Variants in TMEM117 observed in about 807,000 individuals in gnomAD.
TMEM117 encodes transmembrane protein 117.
A neutral mutation model predicts 52.4 loss-of-function variants in TMEM117; 27 were observed. That is an observed-to-expected ratio of 0.51 (90% CI 0.38 to 0.71). The LOEUF (loss-of-function observed/expected upper bound fraction) is 0.71. Ranked by LOEUF, TMEM117 falls within the 30% of genes least tolerant of loss-of-function variation. The probability of loss-of-function intolerance (pLI) is 0.00; values close to 1 mark genes in which losing one functional copy is unlikely to be tolerated. For synonymous variants in TMEM117, 215 were observed against 206.3 expected (o/e 1.04, Z -0.36); for missense variants, 556 against 630.5 (o/e 0.88, Z 1.26).
At chr12:43,840,446 G>T (rs993125265) in intron 1 of TMEM117, among the ~76,000 whole-genome samples, 2 of 152,086 alleles carry the variant, frequency 1.3e-5, no homozygotes, top group African/African-American at 4.8e-5. Context: ...GTTGAGGGGG[G>T]GTGCATTAGT....
At chr12:44,158,344 C>T (rs1409975047) in intron 4 of TMEM117, among the ~76,000 whole-genome samples, 2 of 152,092 alleles carry the variant, frequency 1.3e-5, no homozygotes, top group Admixed American at 6.6e-5. Context: ...GATTTTAATT[C>T]GAAAGTTTTG....
chr12:44,084,189 G>C (rs928576492), intron 3 of TMEM117, among the ~76,000 whole-genome samples: 3 of 152,050 alleles, frequency 2.0e-5, no homozygotes, highest in African/African-American at 7.2e-5. Context: ...AAAGCCTTTA[G>C]ATTCTAACAT....
intron 3 of TMEM117, among the ~76,000 whole-genome samples, chr12:43,970,822 A>G (rs112961693): frequency 0.01 from 1,593 of 152,148 alleles, 35 homozygotes; most frequent in African/African-American, 0.036. Context: ...TAGTTAGGCT[A>G]CTTGTATGGA....
chr12:44,316,357 A>G (rs774840253), intron 6 of TMEM117, among the ~76,000 whole-genome samples: 2 of 152,102 alleles, frequency 1.3e-5, no homozygotes, highest in Non-Finnish European at 2.9e-5. Context: ...TTGATGGGAT[A>G]TGGAATTCTT....
At chr12:44,381,144 C>A (rs1397967152) in intron 7 of TMEM117, among the ~76,000 whole-genome samples, 1 of 152,048 alleles carries the variant, frequency 6.6e-6, no homozygotes, top group African/African-American at 2.4e-5. Context: ...AGCTGGGCTA[C>A]AGCTTATAAA....
intron 6 of TMEM117, among the ~76,000 whole-genome samples, chr12:44,314,328 C>G (rs558690989): frequency 6.6e-6 from 1 of 151,956 alleles, no homozygotes; most frequent in African/African-American, 2.4e-5. Flanking sequence ...TTATCAAAAG[C>G]CTTTTATACT....
At chr12:44,193,681 A>G (rs148109082) in intron 4 of TMEM117, among the ~76,000 whole-genome samples, 1 of 152,320 alleles carries the variant, frequency 6.6e-6, no homozygotes, top group East Asian at 1.9e-4. Flanking sequence ...GGAAAACATA[A>G]AGTATCCCCT....
At chr12:44,004,987 A>G (rs1442402003) in intron 3 of TMEM117, among the ~76,000 whole-genome samples, 2 of 152,208 alleles carry the variant, frequency 1.3e-5, no homozygotes, top group Non-Finnish European at 2.9e-5. Flanking sequence ...AAAGCCGGAC[A>G]AGTAGTAGAC....
intron 4 of TMEM117, among the ~76,000 whole-genome samples, chr12:44,173,141 T>A (rs976625230): frequency 6.6e-6 from 1 of 152,226 alleles, no homozygotes; most frequent in African/African-American, 2.4e-5. Flanking sequence ...AGTGGTGAAA[T>A]CTTGATTCAC....
intron 4 of TMEM117, among the ~76,000 whole-genome samples, chr12:44,168,436 T>A (rs1031590402): frequency 6.6e-6 from 1 of 152,192 alleles, no homozygotes; most frequent in African/African-American, 2.4e-5. Context: ...CATTTGTACA[T>A]TATTTTATGA....
intron 4 of TMEM117, among the ~76,000 whole-genome samples, chr12:44,210,340 A>G (rs1405820413): frequency 6.6e-6 from 1 of 152,164 alleles, no homozygotes; most frequent in Non-Finnish European, 1.5e-5. Context: ...TTTTTAAAAT[A>G]CCTTTCTAAT....
intron 3 of TMEM117, among the ~76,000 whole-genome samples, chr12:44,090,089 C>G (rs944215795): frequency 3.3e-5 from 5 of 152,100 alleles, no homozygotes; most frequent in Admixed American, 3.3e-4. Context: ...AGCATTTTTT[C>G]TATTCCACAC....
chr12:44,084,330 A>T (rs1947531587), intron 3 of TMEM117, among the ~76,000 whole-genome samples: 1 of 152,292 alleles, frequency 6.6e-6, no homozygotes, highest in East Asian at 1.9e-4. Context: ...CAGAATGATA[A>T]CTACCTAAGC....
chr12:43,826,849 A>T, the TMEM117 span, among the ~76,000 whole-genome samples: 2 of 152,054 alleles, frequency 1.3e-5, no homozygotes, highest in Non-Finnish European at 2.9e-5. Context: ...GTCTGAGTTG[A>T]TCATTTCTGT....
chr12:43,857,681 G>A (rs1226387165), intron 2 of TMEM117, among the ~76,000 whole-genome samples: 1 of 152,180 alleles, frequency 6.6e-6, no homozygotes, highest in Non-Finnish European at 1.5e-5. Flanking sequence ...AATCAGTCCT[G>A]GCTGAGTAGA....
intron 4 of TMEM117, among the ~76,000 whole-genome samples, chr12:44,154,157 A>G (rs991464712): frequency 6.6e-6 from 1 of 152,086 alleles, no homozygotes; most frequent in Non-Finnish European, 1.5e-5. Context: ...TTGGAACATG[A>G]TATTGCATAA....
intron 6 of TMEM117, among the ~76,000 whole-genome samples, chr12:44,370,668 C>A (rs953493158): frequency 1.3e-5 from 2 of 152,196 alleles, no homozygotes; most frequent in Non-Finnish European, 2.9e-5. Flanking sequence ...CAGGCATGAG[C>A]CACCATGCCT....
rs574895177 is a variant in TMEM117, at chr12:43,940,622, A to G, written c.278-3588A>G. Among the ~76,000 whole-genome samples, 10 of 151,904 alleles carry G rather than the reference A, an allele frequency of 6.6e-5. No individual in the cohort carries two copies. In the East Asian group the frequency reaches 1.9e-3, roughly 29 times the overall value. On this transcript the variant is annotated intron_variant, in intron 2 of 7. Transcript: ENST00000266534. ...AATGGTGTGATCTTGGCTCACTGCA[A>G]CCTCCAACTCCCGGGTTCAAGTGAT...
At chr12:44,015,902 A>G (rs1946366782) in intron 3 of TMEM117, among the ~76,000 whole-genome samples, 1 of 152,238 alleles carries the variant, frequency 6.6e-6, no homozygotes, top group African/African-American at 2.4e-5. Flanking sequence ...ATGGGATTTA[A>G]GAAAATTTTG....
Sources: allele counts gnomAD v4.1 joint callset (sites outside exome capture counted in the v4.1 genomes callset), GRCh38; gene constraint gnomAD v4.1.1; transcripts MANE v1.5; gene names NCBI Gene and HGNC (gene_info 2026-07-23, HGNC 2026-07-21).